DENND2A: variants seen among roughly 807,000 people sequenced by gnomAD.
DENND2A encodes DENN domain-containing protein 2A.
DENND2A carries 53 observed loss-of-function variants against 105.3 expected under a neutral mutation model. The observed-to-expected ratio is 0.50, with a 90% CI of 0.40 to 0.63. The LOEUF (loss-of-function observed/expected upper bound fraction) is 0.63, where lower values mean the gene tolerates loss of function less well. Ranked by LOEUF, DENND2A falls within the 30% of genes least tolerant of loss-of-function variation. The pLI is 0.00. For synonymous variants in DENND2A, 522 were observed against 508.4 expected, an observed-to-expected ratio of 1.03 and a Z score of -0.36; for missense variants, 1,138 against 1,279.6, an observed-to-expected ratio of 0.89 and a Z score of 1.69.
intron 7 of DENND2A, 106 bp from the exon 8 acceptor site, chr7:140,568,919 G>T: frequency 3.5e-6 from 4 of 1,141,334 alleles, no homozygotes; most frequent in Non-Finnish European, 2.5e-6. Context: ...CAGAGGGGAT[G>T]TTGAGTTGCC....
At chr7:140,520,175 G>A (rs888019581) in intron 18 of DENND2A, among the ~76,000 whole-genome samples, 2 of 151,924 alleles carry the variant, frequency 1.3e-5, no homozygotes, top group Non-Finnish European at 2.9e-5. Context: ...GTGTGGTGGT[G>A]CACGCCTATA....
intron 3 of DENND2A, among the ~76,000 whole-genome samples, chr7:140,594,982 G>A (rs1326075819): frequency 6.6e-6 from 1 of 152,136 alleles, no homozygotes; most frequent in African/African-American, 2.4e-5. Context: ...CCAAAGTGCT[G>A]GGATTACAGG....
At chr7:140,536,823 C>T (rs1222548349) in intron 14 of DENND2A, among the ~76,000 whole-genome samples, 1 of 152,084 alleles carries the variant, frequency 6.6e-6, no homozygotes, top group African/African-American at 2.4e-5. Context: ...CCATCATGCC[C>T]AGCTAATTTT....
Position 140,568,825 on chromosome 7 carries a change from G to T in DENND2A, c.1541-12C>A. 6.2e-7 allele frequency: 1 copy of T among 1,613,888 alleles called. No individual in the cohort carries two copies. The highest frequency in any genetic ancestry group is 8.5e-7 in the Non-Finnish European group (1 of 1,179,882). The stretch of plus-strand genomic sequence containing the variant: ...GTTCTCATCTGTCACTAGAAGAAAA[G>T]AACAAGGAAGAAAATTGCAAATGTG... On this transcript the variant is annotated splice_polypyrimidine_tract_variant and intron_variant, in intron 7 of 19. Coordinates refer to ENST00000496613, the MANE Select transcript of DENND2A (RefSeq NM_015689.5).
intron 14 of DENND2A, among the ~76,000 whole-genome samples, chr7:140,540,410 A>G (rs1011432720): frequency 2.0e-5 from 3 of 152,386 alleles, no homozygotes; most frequent in African/African-American, 7.2e-5. Flanking sequence ...AATGCCAGGC[A>G]CTATGGAAGG....
intron 3 of DENND2A, among the ~76,000 whole-genome samples, chr7:140,601,072 T>A (rs1799466863): frequency 6.6e-6 from 1 of 152,188 alleles, no homozygotes; most frequent in South Asian, 2.1e-4. Flanking sequence ...TAGCAGGGAC[T>A]ACCAAGTTGT....
chr7:140,582,045 A>G, intron 5 of DENND2A, among the ~76,000 whole-genome samples: 1 of 151,430 alleles, frequency 6.6e-6, no homozygotes, highest in South Asian at 2.1e-4. Context: ...GCTTACTGCA[A>G]CCTCTGCCCC....
intron 6 of DENND2A, among the ~76,000 whole-genome samples, chr7:140,570,520 G>A (rs1341813423): frequency 2.0e-5 from 3 of 152,220 alleles, no homozygotes; most frequent in African/African-American, 7.2e-5. Flanking sequence ...ACCGGGATTA[G>A]AACTGCTCCC....
chr7:140,545,851 A>ACCTC (rs2130526366), intron 13 of DENND2A, among the ~76,000 whole-genome samples: 2 of 151,990 alleles, frequency 1.3e-5, no homozygotes, highest in Middle Eastern at 6.8e-3. Flanking sequence ...CTCTCCAGTA[A>ACCTC]CCTCCCTGCT....
intron 3 of DENND2A, 31 bp downstream of exon 3, chr7:140,601,372 C>T (rs760319038): frequency 2.1e-5 from 33 of 1,537,020 alleles, no homozygotes; most frequent in Non-Finnish European, 2.9e-5. Context: ...AGTCAGGTGG[C>T]GACACTCTGC....
In DENND2A at chr7:140,561,701, G is replaced by C. The variant is rs534619194; in HGVS notation, c.1780-1884C>G. ...TTTTTTTTTTTGTATTTTCAGTAGAGACAGGGTTTCACCATGTTGGCCAGG... is the reference window on the plus strand; with the variant it reads ...TTTTTTTTTTTGTATTTTCAGTAGACACAGGGTTTCACCATGTTGGCCAGG... On this transcript the variant is annotated intron_variant, in intron 9 of 19. Transcript: ENST00000496613. 4.2e-5 allele frequency among the ~76,000 whole-genome samples: 6 copies of C among 142,162 alleles called. No homozygotes were observed. In the East Asian group the frequency reaches 1.3e-3, roughly 31 times the overall value. The allele number at this position is 142,162 out of a possible 152,430, so 93.3% of individuals were successfully genotyped here.
intron 5 of DENND2A, among the ~76,000 whole-genome samples, chr7:140,577,517 C>G (rs1007590678): frequency 6.6e-6 from 1 of 151,984 alleles, no homozygotes; most frequent in Non-Finnish European, 1.5e-5. Context: ...CCTGCCTCAG[C>G]CTCCCGAGTA....
chr7:140,600,969 G>T (rs1051668998), intron 3 of DENND2A, among the ~76,000 whole-genome samples: 1 of 152,158 alleles, frequency 6.6e-6, no homozygotes, highest in Admixed American at 6.5e-5. Flanking sequence ...GCTTCGAGAG[G>T]TTAGATAACT....
intron 1 of DENND2A, among the ~76,000 whole-genome samples, chr7:140,620,363 A>G (rs1350067358): frequency 6.7e-6 from 1 of 148,350 alleles, no homozygotes; most frequent in Non-Finnish European, 1.5e-5. Context: ...GGGGGGGAGG[A>G]GGAATTTATT....
chr7:140,553,400 C>G (rs1044591530), intron 12 of DENND2A, among the ~76,000 whole-genome samples: 1 of 152,252 alleles, frequency 6.6e-6, no homozygotes, highest in African/African-American at 2.4e-5. Context: ...ATCGAACGTA[C>G]AATCGGGTTT....
At chr7:140,621,968 C>T (rs1681774) in intron 1 of DENND2A, among the ~76,000 whole-genome samples, 6,100 of 152,214 alleles carry the variant, frequency 0.04, 369 homozygotes, top group African/African-American at 0.14. Flanking sequence ...AAGGAGGAGA[C>T]GCCCAAATGA....
chr7:140,520,830 A>G (rs2130447731), intron 18 of DENND2A, among the ~76,000 whole-genome samples: 1 of 149,620 alleles, frequency 6.7e-6, no homozygotes, highest in African/African-American at 2.5e-5. Flanking sequence ...AAGTGCTGGG[A>G]TTACAGGCGC....
rs10273005 is a variant in DENND2A at position 140,575,058 on chromosome 7, C to T, written c.1246-1050G>A. On this transcript the variant is annotated intron_variant, in intron 5 of 19. Coordinates refer to ENST00000496613, the MANE Select transcript of DENND2A (RefSeq NM_015689.5). ...ACAAAGTCAAAAGGCAAACAAAATACTTGCTAAAAAAATTTAGAACCCATA... is the reference window on the plus strand; with the variant it reads ...ACAAAGTCAAAAGGCAAACAAAATATTTGCTAAAAAAATTTAGAACCCATA... Among the ~76,000 whole-genome samples the T allele has an allele frequency of 5.2e-3, 788 of 152,084 alleles. 8 individuals are homozygous for T. The highest frequency in any genetic ancestry group is 0.018 in the African/African-American group (745 of 41,488).
At chr7:140,560,621 A>C (rs1442019095) in intron 9 of DENND2A, among the ~76,000 whole-genome samples, 5 of 150,304 alleles carry the variant, frequency 3.3e-5, no homozygotes, top group African/African-American at 7.3e-5. Context: ...GCAAGGTCCC[A>C]CCTCTATGGG....
Sources: gnomAD v4.1 joint callset for allele counts (sites outside exome capture counted in the v4.1 genomes callset) on GRCh38, gnomAD v4.1.1 for gene constraint, MANE v1.5 for transcripts, NCBI Gene and HGNC (gene_info 2026-07-23, HGNC 2026-07-21) for gene names.